The following EPG5 variants were observed in gnomAD, a reference collection of about 807,000 sequenced individuals.
EPG5 encodes ectopic P-granules 5 autophagy tethering factor.
In EPG5, 159 loss-of-function variants were observed where a neutral mutation model predicts 302.7. The observed-to-expected ratio is 0.53, with a 90% CI of 0.46 to 0.60. The LOEUF is 0.60. EPG5 is among the 20% of genes least tolerant of loss of function. EPG5 has a pLI of 0.00. For synonymous variants in EPG5, 1,158 were observed against 1,136.8 expected, an observed-to-expected ratio of 1.02 and a Z score of -0.37; for missense variants, 2,896 against 3,092.4, an observed-to-expected ratio of 0.94 and a Z score of 1.51.
chr18:45,953,130 G>A (rs1392386569), intron 2 of EPG5: 3 of 242,386 alleles, frequency 1.2e-5, no homozygotes, highest in South Asian at 3.1e-4. Flanking sequence ...CCAAGATTAC[G>A]CCACTGCACT....
chr18:45,952,254 T>A, intron 3 of EPG5, 146 bp downstream of exon 3: 2 of 908,900 alleles, frequency 2.2e-6, no homozygotes, highest in South Asian at 1.7e-5. Context: ...CAGATCTCAA[T>A]CCTACAGTGG....
intron 43 of EPG5, 102 bp downstream of exon 43, chr18:45,855,471 C>A (rs2048495808): frequency 1.3e-6 from 1 of 767,856 alleles, no homozygotes; most frequent in Non-Finnish European, 2.2e-6. Flanking sequence ...GCTACCACCA[C>A]AGAGCATCAT....
chr18:45,805,542 GC>G, the EPG5 span, among the ~76,000 whole-genome samples: 1 of 151,344 alleles, frequency 6.6e-6, no homozygotes. Flanking sequence ...ATGTTAATAG[GC>G]AAAAATTTCC....
chr18:45,961,858 CAAAAAAAAAAAA>C (rs369369860), intron 1 of EPG5, among the ~76,000 whole-genome samples: 1 of 98,504 alleles, frequency 1.0e-5, no homozygotes, highest in African/African-American at 3.5e-5. Context: ...GACTCTGTCC[CAAAAAAAAAAAA>C]AAAAAACTAT....
chr18:45,837,448 A>C, the EPG5 span: 1 of 1,416,574 alleles, frequency 7.1e-7, no homozygotes, highest in Non-Finnish European at 9.1e-7. Context: ...TGGGGTTTCC[A>C]GGCCCCGGGT....
rs541847031 is a variant in EPG5 at position 45,904,653 on chromosome 18, G to A, written c.4330-536C>T. Among the ~76,000 whole-genome samples the A allele has an allele frequency of 9.9e-5, 15 of 152,100 alleles. 1 individual carries two copies. The South Asian group carries it at 2.5e-3, about 25-fold the overall frequency. The stretch of plus-strand genomic sequence containing the variant: ...TTGCAAGGAAAAGTAAAGGGATAAG[G>A]GGAGGACTTGTAGATTAAACAGACT... On this transcript the variant is annotated intron_variant, in intron 24 of 43. Transcript: ENST00000282041.
At chr18:45,943,091 C>T in intron 9 of EPG5, 70 bp downstream of exon 9, 1 of 1,425,424 alleles carries the variant, frequency 7.0e-7, no homozygotes, top group Admixed American at 2.2e-5. Context: ...GTCCATCATC[C>T]CAATTATGCA....
chr18:45,908,200 A>C, intron 23 of EPG5, 119 bp from the exon 24 acceptor site: 1 of 770,384 alleles, frequency 1.3e-6, no homozygotes, highest in Non-Finnish European at 1.9e-6. Context: ...CATAATACAG[A>C]AAATGTGGCC....
Position 45,879,077 on chromosome 18 carries a change from C to T in EPG5, c.5805G>A (p.Val1935=). The change falls in exon 33 of 44, where the codon GTG becomes GTA. Residue 1935 remains valine, a synonymous_variant. Coordinates refer to ENST00000282041, the MANE Select transcript of EPG5 (RefSeq NM_020964.3). ...ADVKTFLGYL[V]KRLIDLEMTC... ...TCATTTCTAAGTCAATCAGCCTTTT[C>T]ACAAGGTAGCCCAAGAATGTCTTCA... 6.2e-7 allele frequency: 1 copy of T among 1,614,140 alleles called. No homozygotes were observed. The highest frequency in any genetic ancestry group is 1.1e-5 in the South Asian group (1 of 91,080).
intron 10 of EPG5, among the ~76,000 whole-genome samples, chr18:45,939,143 A>G (rs2050604905): frequency 6.6e-6 from 1 of 152,220 alleles, no homozygotes; most frequent in South Asian, 2.1e-4. Flanking sequence ...GCATTTACAA[A>G]GCTAAGACAG....
the EPG5 span, among the ~76,000 whole-genome samples, chr18:45,818,080 A>T: frequency 8.5e-5 from 13 of 152,254 alleles, no homozygotes; most frequent in East Asian, 2.5e-3. Context: ...TTTTCCATTC[A>T]ATATTATCTT....
At chr18:45,886,571 T>C (rs28669237) in intron 29 of EPG5, among the ~76,000 whole-genome samples, 5,716 of 152,318 alleles carry the variant, frequency 0.038, 320 homozygotes, top group African/African-American at 0.13. Context: ...ATGTTAGCTA[T>C]GTAGTCAGTA....
chr18:45,902,916 G>C (rs1429691534), intron 25 of EPG5, among the ~76,000 whole-genome samples: 2 of 152,150 alleles, frequency 1.3e-5, no homozygotes. Flanking sequence ...TAACAACATA[G>C]GGTTTTTGTG....
chr18:45,941,801 T>C (rs1295383282), intron 9 of EPG5, among the ~76,000 whole-genome samples: 2 of 152,334 alleles, frequency 1.3e-5, no homozygotes, highest in East Asian at 3.9e-4. Flanking sequence ...AACGTCTGGA[T>C]GGACTTCTGT....
At chr18:45,874,858 G>A (rs960452061) in intron 35 of EPG5, among the ~76,000 whole-genome samples, 5 of 152,212 alleles carry the variant, frequency 3.3e-5, no homozygotes, top group Admixed American at 2.6e-4. Context: ...GAAGCAAAGA[G>A]GAAGCCAGAG....
chr18:45,901,574 T>C (rs2049620130), intron 25 of EPG5, among the ~76,000 whole-genome samples: 1 of 152,154 alleles, frequency 6.6e-6, no homozygotes, highest in South Asian at 2.1e-4. Context: ...CGTTATGGAA[T>C]ATAGCCGAGT....
intron 2 of EPG5, chr18:45,954,016 G>T: frequency 1.5e-6 from 1 of 654,320 alleles, no homozygotes; most frequent in Non-Finnish European, 1.9e-6. Context: ...GTCTGTATGT[G>T]TCTGATTAGT....
intron 30 of EPG5, 66 bp from the exon 31 acceptor site, chr18:45,882,553 G>C: frequency 5.2e-6 from 7 of 1,358,270 alleles, no homozygotes; most frequent in East Asian, 2.4e-5. Context: ...GAGGAGAGAG[G>C]TCTGTGTAAA....
In EPG5 at chr18:45,925,484, A is replaced by G. The variant is rs182053942; in HGVS notation, c.2718+254T>C. Among the ~76,000 whole-genome samples the G allele has an allele frequency of 2.0e-5, 3 of 152,318 alleles. No homozygotes were observed. In the East Asian group the frequency reaches 5.8e-4, roughly 29 times the overall value. On this transcript the variant is annotated intron_variant, in intron 14 of 43. Coordinates refer to ENST00000282041, the MANE Select transcript of EPG5 (RefSeq NM_020964.3). ...CAAGACTCTGTCTCAAACAAAAAAA[A>G]TAAAAAATAAAAACAGATACATGGG...
Sources: gnomAD v4.1 joint callset for allele counts (sites outside exome capture counted in the v4.1 genomes callset) on GRCh38, gnomAD v4.1.1 for gene constraint, MANE v1.5 for transcripts, NCBI Gene and HGNC (gene_info 2026-07-23, HGNC 2026-07-21) for gene names.